Variants in NFASC observed in about 807,000 individuals in gnomAD.
NFASC encodes the protein neurofascin.
A neutral mutation model predicts 147.5 loss-of-function variants in NFASC; 43 were observed. The observed-to-expected ratio is 0.29, with a 90% CI of 0.23 to 0.38. The LOEUF is 0.38. Among genes scored for constraint, NFASC ranks in the 10% least tolerant of loss-of-function variants. The pLI is 1.00. For synonymous variants in NFASC, 622 were observed against 665.5 expected (o/e 0.93, Z 1.01); for missense variants, 1,320 against 1,689.0 (o/e 0.78, Z 3.83).
In NFASC at chr1:204,925,748, G is replaced by A. The variant is rs748792624; in HGVS notation, c.-91+5008G>A. On this transcript the variant is annotated intron_variant, in intron 2 of 29. Transcript: ENST00000339876. ...TTAGGACTATGGTCTGTTGAAACTA[G>A]GCTTGCAATCCACCCAATAGAGGAC... is the stretch of plus-strand genomic sequence containing the variant. Among the ~76,000 whole-genome samples, 19 of 152,298 alleles carry A rather than the reference G, an allele frequency of 1.2e-4. No individual in the cohort carries two copies. In the East Asian group the frequency reaches 1.7e-3, roughly 14 times the overall value.
At position 204,915,225 on chromosome 1, in the gene NFASC, G is replaced by A. The variant is rs570385318; in HGVS notation, c.-199-5407G>A. Among the ~76,000 whole-genome samples the A allele has an allele frequency of 9.2e-5, 14 of 152,262 alleles. No individual in the cohort carries two copies. In the East Asian group the frequency reaches 2.7e-3, roughly 29 times the overall value. On this transcript the variant is annotated intron_variant, in intron 1 of 29. Transcript: ENST00000339876. Reference sequence around the variant, plus strand: ...GAACCCAGGAGGCAGAGCTTGCAGTGAGCCAAGATAGCACCACTGCACTCC... The same window carrying A: ...GAACCCAGGAGGCAGAGCTTGCAGTAAGCCAAGATAGCACCACTGCACTCC...
In NFASC at chr1:204,838,524, A is replaced by G. The variant is rs116441636; in HGVS notation, c.-200+9742A>G. On this transcript the variant is annotated intron_variant, in intron 1 of 29. Coordinates refer to ENST00000339876, the MANE Select transcript of NFASC (RefSeq NM_001005388.3). ...ATGATGCCCTGCAAGTTTTCCATTC[A>G]AAAGCCGAGGGAAGGCTCCTTGGAT... is the stretch of plus-strand genomic sequence containing the variant. 5.9e-3 allele frequency among the ~76,000 whole-genome samples: 905 copies of G among 152,326 alleles called. 15 individuals are homozygous for G. Among genetic ancestry groups the G allele is most frequent in the African/African-American group, 0.021 (852 of 41,554 alleles).
intron 1 of NFASC, 32 bp downstream of exon 1, chr1:204,828,814 G>A: frequency 2.0e-6 from 2 of 985,300 alleles, no homozygotes; most frequent in Admixed American, 6.1e-5. Flanking sequence ...AGAGATGGGG[G>A]TAGAGAGTCA....
Position 205,022,693 on chromosome 1 carries a change from G to C in NFASC, c.*6154G>C, listed in dbSNP as rs1396676742. The C allele has an allele frequency of 6.6e-6, 1 of 152,598 alleles. No homozygotes were observed. Among genetic ancestry groups the C allele is most frequent in the Non-Finnish European group, 1.5e-5 (1 of 68,046 alleles). The allele number at this position is 152,598 out of a possible 1,614,324, so 9.5% of individuals were successfully genotyped here. The stretch of plus-strand genomic sequence containing the variant: ...GCCATGGAGGGCCGTCTAATACATG[G>C]ACTTATAAACTGACTGCATGAGCAA... On this transcript the variant is annotated 3_prime_UTR_variant, in exon 30 of 30. Coordinates refer to ENST00000339876, the MANE Select transcript of NFASC (RefSeq NM_001005388.3).
At chr1:204,956,460 C>G (rs912950019) in intron 7 of NFASC, among the ~76,000 whole-genome samples, 14 of 152,226 alleles carry the variant, frequency 9.2e-5, no homozygotes, top group Non-Finnish European at 1.6e-4. Flanking sequence ...GCTCCCCTGT[C>G]TTTTCTCCTG....
rs142704459 is a variant in NFASC at position 204,848,736 on chromosome 1, G to T, written c.-200+19954G>T. 4.5e-3 allele frequency among the ~76,000 whole-genome samples: 693 copies of T among 152,308 alleles called. 7 individuals carry two copies. The highest frequency in any genetic ancestry group is 0.016 in the African/African-American group (665 of 41,554). On this transcript the variant is annotated intron_variant, in intron 1 of 29. Transcript: ENST00000339876. Reference sequence around the variant, plus strand: ...ATTTGAGAGTTGTTGCTAGAATCTGGCTGTTGGGAACAGAGCAAATAAGGA... The same window carrying T: ...ATTTGAGAGTTGTTGCTAGAATCTGTCTGTTGGGAACAGAGCAAATAAGGA...
chr1:204,904,738 T>C (rs1201078214), intron 1 of NFASC, among the ~76,000 whole-genome samples: 1 of 152,220 alleles, frequency 6.6e-6, no homozygotes, highest in Admixed American at 6.5e-5. Context: ...GAACAGCTTT[T>C]CTTTTATTTT....
rs915516602 is a variant in NFASC, at chr1:205,020,689, G to A, written c.*4150G>A. 2 of 152,272 alleles carry A rather than the reference G, an allele frequency of 1.3e-5. No individual in the cohort carries two copies. The highest frequency in any genetic ancestry group is 4.8e-5 in the African/African-American group (2 of 41,456). The allele number at this position is 152,272 out of a possible 1,614,324, so 9.4% of individuals were successfully genotyped here. ...CAGCCCATTTGATGGAGGGAGCAGGGACATAGCACATTTTTGTCTGTCTTT... is the reference window on the plus strand; with the variant it reads ...CAGCCCATTTGATGGAGGGAGCAGGAACATAGCACATTTTTGTCTGTCTTT... On this transcript the variant is annotated 3_prime_UTR_variant, in exon 30 of 30. Coordinates refer to ENST00000339876, the MANE Select transcript of NFASC (RefSeq NM_001005388.3).
intron 8 of NFASC, chr1:204,962,045 C>A (rs879073002): frequency 2.3e-6 from 3 of 1,293,760 alleles, no homozygotes; most frequent in Admixed American, 3.5e-5. Flanking sequence ...TTTCTCTCCC[C>A]GTTTATGCCT....
chr1:204,929,176 A>G (rs1241407642), intron 2 of NFASC, among the ~76,000 whole-genome samples: 1 of 134,192 alleles, frequency 7.5e-6, no homozygotes, highest in Non-Finnish European at 1.5e-5. Flanking sequence ...CCCCTGACCC[A>G]TGTGAACTTA....
rs2095646032 is a variant in NFASC, at chr1:204,987,792, T to C, written c.2593+252T>C. On this transcript the variant is annotated intron_variant, in intron 22 of 29. Transcript: ENST00000339876. This position sits in a 1 kb window ranked among gnomAD's most constrained non-coding sequence, Gnocchi z 4.4. ...TGAGACAAAGGGACCTCCAGTCTAA[T>C]GAAGCAGACAGCCATGCCTTTAGGG... Among the ~76,000 whole-genome samples, 1 of 152,208 alleles carries C rather than the reference T, an allele frequency of 6.6e-6. No homozygotes were observed. The highest frequency in any genetic ancestry group is 2.1e-4 in the South Asian group (1 of 4,832).
In NFASC at chr1:204,985,982, C is replaced by T. The variant is rs1323041405; in HGVS notation, c.2471-1436C>T. On this transcript the variant is annotated intron_variant, in intron 21 of 29. Transcript: ENST00000339876. ...TCAGAAGAGACAGCAAGCCAGCTTC[C>T]CTGGTGACCGCCTCCGTGGCGTGGT... 4.3e-6 allele frequency: 7 copies of T among 1,614,130 alleles called. No individual in the cohort carries two copies. The South Asian group carries it at 6.6e-5, about 15-fold the overall frequency.
chr1:204,985,773 C>G (rs1280556233), intron 21 of NFASC: 1 of 621,610 alleles, frequency 1.6e-6, no homozygotes, highest in African/African-American at 1.8e-5. Context: ...GCTTCCTCAG[C>G]CTGGATAGGA....
rs28378440 is a variant in NFASC at position 204,973,663 on chromosome 1, A to G, written c.1279+244A>G. On this transcript the variant is annotated intron_variant, in intron 12 of 29. Transcript: ENST00000339876. ...AACCTCCTCATTGTACAGATGGAAG[A>G]CTTAAAATTCACAAAGCTGGATGAG... is the stretch of plus-strand genomic sequence containing the variant. Among the ~76,000 whole-genome samples the G allele has an allele frequency of 1.7e-3, 262 of 152,310 alleles. 1 individual carries two copies. The highest frequency in any genetic ancestry group is 5.8e-3 in the African/African-American group (242 of 41,562).
intron 1 of NFASC, chr1:204,870,763 C>G: frequency 8.6e-7 from 1 of 1,160,078 alleles, no homozygotes; most frequent in Non-Finnish European, 1.1e-6. Context: ...TCTCAGAGGA[C>G]GTGGTGGGCT....
intron 1 of NFASC, among the ~76,000 whole-genome samples, chr1:204,911,306 G>A (rs373379277): frequency 7.2e-5 from 11 of 152,246 alleles, no homozygotes; most frequent in Admixed American, 1.3e-4. Flanking sequence ...TGGTCATGGC[G>A]TATAATTCTT....
Position 204,979,707 on chromosome 1 carries a change from A to T in NFASC, c.2176+148A>T. ...CTGTGAGGCAGAGAGTAATAATAAC[A>T]CCTACATCACAGAGCTGTTGTGAAC... On this transcript the variant is annotated intron_variant, in intron 19 of 29. Transcript: ENST00000339876. This position sits in a 1 kb window ranked among gnomAD's most constrained non-coding sequence, Gnocchi z 6.0. 1 of 711,418 alleles carries T rather than the reference A, an allele frequency of 1.4e-6. No homozygotes were observed. 44.1% of individuals were successfully genotyped at this position (711,418 alleles called of 1,614,324 possible).
chr1:204,921,187 C>A (rs796447050), intron 2 of NFASC, among the ~76,000 whole-genome samples: 9 of 152,300 alleles, frequency 5.9e-5, no homozygotes, highest in African/African-American at 2.2e-4. Context: ...GTTATCCAGG[C>A]GCAGTAAGCA....
At chr1:204,859,479 A>G (rs2076480516) in intron 1 of NFASC, among the ~76,000 whole-genome samples, 1 of 152,220 alleles carries the variant, frequency 6.6e-6, no homozygotes, top group Non-Finnish European at 1.5e-5. Flanking sequence ...ACTATACTGT[A>G]AGCTCCATGG....
Sources: allele counts gnomAD v4.1 joint callset (sites outside exome capture counted in the v4.1 genomes callset), GRCh38; gene constraint gnomAD v4.1.1; non-coding constraint Gnocchi (gnomAD v3.1); transcripts MANE v1.5; gene names NCBI Gene and HGNC (gene_info 2026-07-23, HGNC 2026-07-21).